The following ANLN variants were observed in gnomAD, a reference collection of about 807,000 sequenced individuals.
The protein encoded by ANLN is anillin.
In ANLN, 59 loss-of-function variants were observed where a neutral mutation model predicts 135.1. The observed-to-expected ratio is 0.44, with a 90% CI of 0.35 to 0.54. The LOEUF is 0.54. Among genes scored for constraint, ANLN ranks in the 20% least tolerant of loss-of-function variants. The probability of loss-of-function intolerance (pLI) is 0.00; values close to 1 mark genes in which losing one functional copy is unlikely to be tolerated. For missense variants in ANLN, 1,182 were observed against 1,340.0 expected, an observed-to-expected ratio of 0.88 and a Z score of 1.84; for synonymous variants, 406 against 456.4, an observed-to-expected ratio of 0.89 and a Z score of 1.41.
At chr7:36,426,140 T>A in intron 19 of ANLN, 104 bp downstream of exon 19, 1 of 813,192 alleles carries the variant, frequency 1.2e-6, no homozygotes, top group Non-Finnish European at 1.9e-6. Context: ...ATGTTTACCT[T>A]GATCTCCTTT....
chr7:36,444,161 G>A (rs534777467), intron 22 of ANLN, among the ~76,000 whole-genome samples: 1 of 152,070 alleles, frequency 6.6e-6, no homozygotes, highest in Admixed American at 6.5e-5. Flanking sequence ...GTGGTGGCAG[G>A]TGCCTGTAAT....
rs781384379 is a variant in ANLN, at chr7:36,419,402, C to G, written c.1792C>G (p.Gln598Glu). 6.2e-6 allele frequency: 10 copies of G among 1,614,154 alleles called. No individual in the cohort carries two copies. The Admixed American group carries it at 1.7e-4, about 27-fold the overall frequency. The change falls in exon 10 of 24, where the codon CAG becomes GAG. Residue 598 changes from glutamine to glutamate, a missense_variant. Around this residue, in one of 3 missense-constraint regions of ANLN, gnomAD observed 1,022 missense variants for 1,134.0 expected, o/e 0.90. Transcript: ENST00000265748. Reference protein sequence around the residue: ...DQALAESSEEQEDALNISSMS... With the variant: ...DQALAESSEEEEDALNISSMS... ...AGCATTAGCAGAAAGCAGCGAAGAA[C>G]AGGAAGATGCACTGAATATCTCCTC...
Position 36,420,487 on chromosome 7 carries a change from G to A in ANLN, c.2016-110G>A, listed in dbSNP as rs1787831067. 4.8e-5 allele frequency: 61 copies of A among 1,263,032 alleles called. 1 individual carries two copies. In the South Asian group the frequency reaches 6.9e-4, roughly 14 times the overall value. The allele number at this position is 1,263,032 out of a possible 1,614,324, so 78.2% of individuals were successfully genotyped here. On this transcript the variant is annotated intron_variant, in intron 11 of 23. Coordinates refer to ENST00000265748, the MANE Select transcript of ANLN (RefSeq NM_018685.5). The stretch of plus-strand genomic sequence containing the variant: ...TGAGAGTTCCATTCTGTTGTGAAAT[G>A]TTCTGCTGACATGTTCAATATCAGT...
chr7:36,424,409 C>CTT (rs1198806873), intron 15 of ANLN, 136 bp from the exon 16 acceptor site: 1 of 638,422 alleles, frequency 1.6e-6, no homozygotes, highest in African/African-American at 1.9e-5. Flanking sequence ...AAATAGACTT[C>CTT]TTAACAATTT....
intron 6 of ANLN, 133 bp from the exon 7 acceptor site, chr7:36,410,926 T>G: frequency 1.1e-6 from 1 of 920,888 alleles, no homozygotes; most frequent in African/African-American, 1.7e-5. Flanking sequence ...ATGTGTATTA[T>G]GAACTTTTTA....
Position 36,422,742 on chromosome 7 carries a change from A to C in ANLN, c.2409A>C (p.Ser803=). 1 of 1,613,710 alleles carries C rather than the reference A, an allele frequency of 6.2e-7. No individual in the cohort carries two copies. The highest frequency in any genetic ancestry group is 8.5e-7 in the Non-Finnish European group (1 of 1,179,834). ...GTGAATTTATGCCATCCAAAGGATCAGTTACTTTGTCAGAAATCCGCTTGC... is the reference window on the plus strand; with the variant it reads ...GTGAATTTATGCCATCCAAAGGATCCGTTACTTTGTCAGAAATCCGCTTGC... ...PQSEFMPSKG[S]VTLSEIRLPL... Residue 803 remains serine, a synonymous_variant, in exon 14 of 24, where the codon TCA becomes TCC. Transcript: ENST00000265748.
rs1049229074 is a variant in ANLN at position 36,410,294 on chromosome 7, T to A, written c.1097-220T>A. On this transcript the variant is annotated intron_variant, in intron 5 of 23. Transcript: ENST00000265748. ...CCTTTTCAAAATTTTTTTTTTTTTT[T>A]AAATAACTAAATTCTATGAGTAGGT... 1.8e-4 allele frequency among the ~76,000 whole-genome samples: 28 copies of A among 152,028 alleles called. No homozygotes were observed. Among genetic ancestry groups the A allele is most frequent in the Admixed American group, 1.3e-3 (20 of 15,282 alleles).
At chr7:36,420,880 T>A in intron 12 of ANLN, 136 bp downstream of exon 12, 1 of 765,854 alleles carries the variant, frequency 1.3e-6, no homozygotes, top group Non-Finnish European at 2.0e-6. Flanking sequence ...AGAAGCTCAG[T>A]AAATCACATT....
chr7:36,389,876 A>C lies in ANLN; in HGVS notation c.-151A>C, dbSNP rs1042992854. 1.9e-4 allele frequency: 268 copies of C among 1,395,744 alleles called. No individual in the cohort carries two copies. Among genetic ancestry groups the C allele is most frequent in the Non-Finnish European group, 2.4e-4 (241 of 1,000,508 alleles). 86.5% of individuals were successfully genotyped at this position (1,395,744 alleles called of 1,614,324 possible). On this transcript the variant is annotated 5_prime_UTR_variant, in exon 1 of 24. Coordinates refer to ENST00000265748, the MANE Select transcript of ANLN (RefSeq NM_018685.5). ...CTGCAGAGGCCGAGTCCGTCACTGG[A>C]AGCCGAGAGGAGAGGACAGCTGGTT...
At chr7:36,395,725 A>G (rs948747996) in intron 1 of ANLN, among the ~76,000 whole-genome samples, 2 of 150,314 alleles carry the variant, frequency 1.3e-5, no homozygotes, top group Admixed American at 6.6e-5. Flanking sequence ...TCATGCAGGA[A>G]TCTTCAGTGA....
chr7:36,428,919 C>T (rs1788201496), intron 20 of ANLN, among the ~76,000 whole-genome samples: 1 of 151,470 alleles, frequency 6.6e-6, no homozygotes, highest in African/African-American at 2.4e-5. Flanking sequence ...GCTGGGACTA[C>T]AGGTGCATGC....
intron 19 of ANLN, 59 bp downstream of exon 19, chr7:36,426,095 A>C: frequency 8.4e-7 from 1 of 1,186,750 alleles, no homozygotes; most frequent in Non-Finnish European, 1.2e-6. Context: ...AAGCACTTGC[A>C]TATTTACATA....
chr7:36,410,457 A>G (rs966323359), intron 5 of ANLN, 57 bp from the exon 6 acceptor site: 1 of 1,440,378 alleles, frequency 6.9e-7, no homozygotes, highest in Admixed American at 2.8e-5. Flanking sequence ...TTTTCCATAG[A>G]AATCGTAATA....
rs192169450 is a variant in ANLN, at chr7:36,401,737, C to T, written c.487+2344C>T. Among the ~76,000 whole-genome samples, 31 of 117,850 alleles carry T rather than the reference C, an allele frequency of 2.6e-4. 11 individuals carry two copies. Among genetic ancestry groups the T allele is most frequent in the Non-Finnish European group, 4.6e-4 (25 of 54,194 alleles). 77.3% of individuals were successfully genotyped at this position (117,850 alleles called of 152,430 possible). On this transcript the variant is annotated intron_variant, in intron 3 of 23. Transcript: ENST00000265748. Reference sequence around the variant, plus strand: ...AAGAGGTAGGACTCGACTCCAGATGCGGGACTTGGACACTGGACAAGATAG... The same window carrying T: ...AAGAGGTAGGACTCGACTCCAGATGTGGGACTTGGACACTGGACAAGATAG...
At chr7:36,391,681 ACT>A (rs1723313002) in intron 1 of ANLN, among the ~76,000 whole-genome samples, 1 of 152,080 alleles carries the variant, frequency 6.6e-6, no homozygotes, top group Non-Finnish European at 1.5e-5. Context: ...GTATAAAATG[ACT>A]CTCTCAACCA....
At chr7:36,390,841 A>G (rs200040491) in intron 1 of ANLN, among the ~76,000 whole-genome samples, 1 of 53,032 alleles carries the variant, frequency 1.9e-5, no homozygotes, top group African/African-American at 1.0e-4. Flanking sequence ...GTGCGTTGTC[A>G]CATTCAGGAG....
intron 9 of ANLN, among the ~76,000 whole-genome samples, chr7:36,417,756 C>A (rs562810831): frequency 1.2e-3 from 173 of 147,500 alleles, no homozygotes; most frequent in African/African-American, 4.2e-3. Context: ...TGGCTCACTG[C>A]AACCTCCACC....
intron 3 of ANLN, among the ~76,000 whole-genome samples, chr7:36,400,832 G>A (rs148767859): frequency 9.9e-4 from 151 of 152,328 alleles, no homozygotes; most frequent in African/African-American, 3.3e-3. Context: ...CAGAAATGTG[G>A]TGGAGCTCAA....
chr7:36,423,482 C>G (rs1334509538), intron 14 of ANLN, among the ~76,000 whole-genome samples: 1 of 152,006 alleles, frequency 6.6e-6, no homozygotes, highest in Non-Finnish European at 1.5e-5. Flanking sequence ...TTTGAAATAA[C>G]AAACCATAAT....
Sources: allele counts gnomAD v4.1 joint callset (sites outside exome capture counted in the v4.1 genomes callset), GRCh38; gene constraint gnomAD v4.1.1; regional missense constraint gnomAD v4.1.1; transcripts MANE v1.5; gene names NCBI Gene and HGNC (gene_info 2026-07-23, HGNC 2026-07-21).